Variants in APOOL observed in about 807,000 individuals in gnomAD.
The protein encoded by APOOL is MICOS complex subunit MIC27.
A neutral mutation model predicts 23.1 loss-of-function variants in APOOL; 12 were observed. That is an observed-to-expected ratio of 0.52 (90% CI 0.33 to 0.84). The LOEUF (loss-of-function observed/expected upper bound fraction) is 0.84, where lower values mean the gene tolerates loss of function less well. Ranked by LOEUF, APOOL falls within the 40% of genes least tolerant of loss-of-function variation. The pLI is 0.02. For missense variants in APOOL, 212 were observed against 199.6 expected (o/e 1.06, Z -0.37); for synonymous variants, 77 against 69.9 (o/e 1.10, Z -0.51).
rs1251772516 is a variant in APOOL, at chrX:85,088,039, T to G, written c.*361T>G. 1 of 87,416 alleles carries G rather than the reference T, an allele frequency of 1.1e-5. No homozygotes were observed. Among genetic ancestry groups the G allele is most frequent in the Middle Eastern group, 5.0e-3 (1 of 200 alleles). 7.2% of individuals were successfully genotyped at this position (87,416 alleles called of 1,213,427 possible). ...AAATACATACATATTTATACATGTATAAATACGTATTTATACATATATGTA... is the reference window on the plus strand; with the variant it reads ...AAATACATACATATTTATACATGTAGAAATACGTATTTATACATATATGTA... On this transcript the variant is annotated 3_prime_UTR_variant, in exon 9 of 9. Coordinates refer to ENST00000373173, the MANE Select transcript of APOOL (RefSeq NM_198450.6).
rs758098459 is a variant in APOOL at position 85,006,053 on chromosome X, C to T, written c.15+2126C>T. Among the ~76,000 whole-genome samples the T allele has an allele frequency of 7.5e-4, 84 of 112,126 alleles. 1 individual carries two copies. Among genetic ancestry groups the T allele is most frequent in the African/African-American group, 2.6e-3 (80 of 30,850 alleles). On this transcript the variant is annotated intron_variant, in intron 1 of 8. Coordinates refer to ENST00000373173, the MANE Select transcript of APOOL (RefSeq NM_198450.6). ...TTACATGTGTTAATTCACTAATTCTCAAGACAACTTTATGTGGTGGGTATT... is the reference window on the plus strand; with the variant it reads ...TTACATGTGTTAATTCACTAATTCTTAAGACAACTTTATGTGGTGGGTATT...
chrX:85,066,307 G>T (rs1421284550), intron 5 of APOOL, among the ~76,000 whole-genome samples: 1 of 111,617 alleles, frequency 9.0e-6, no homozygotes, highest in East Asian at 2.8e-4. Context: ...ATGGCTTAAA[G>T]TGGTGGATTT....
intron 2 of APOOL, among the ~76,000 whole-genome samples, chrX:85,049,596 C>T (rs770526070): frequency 9.9e-5 from 11 of 110,827 alleles, no homozygotes; most frequent in Non-Finnish European, 1.3e-4. Flanking sequence ...CCAGTCTGGG[C>T]AACAGGGTGA....
chrX:85,084,569 A>G (rs1030531953), intron 8 of APOOL, among the ~76,000 whole-genome samples: 2 of 110,285 alleles, frequency 1.8e-5, no homozygotes, highest in Non-Finnish European at 3.8e-5. Context: ...ACCAAGAATT[A>G]TAAATCTGAA....
chrX:85,081,063 C>T (rs1021825182), intron 8 of APOOL, among the ~76,000 whole-genome samples: 3 of 111,568 alleles, frequency 2.7e-5, no homozygotes, highest in Admixed American at 1.9e-4. Context: ...CAGTCTGTGT[C>T]TTTTAATTGG....
At chrX:85,011,128 GA>G (rs752816260) in intron 1 of APOOL, among the ~76,000 whole-genome samples, 1 of 111,546 alleles carries the variant, frequency 9.0e-6, no homozygotes, top group East Asian at 2.8e-4. Flanking sequence ...ATGTTTGTTG[GA>G]CATTTGCATA....
intron 1 of APOOL, among the ~76,000 whole-genome samples, chrX:85,023,162 ATC>A (rs1170970390): frequency 8.9e-6 from 1 of 111,785 alleles, no homozygotes; most frequent in Non-Finnish European, 1.9e-5. Flanking sequence ...AAACAACATG[ATC>A]TTTATATACA....
chrX:85,075,903 A>G (rs766142642), intron 8 of APOOL, among the ~76,000 whole-genome samples: 6 of 111,781 alleles, frequency 5.4e-5, no homozygotes, highest in African/African-American at 1.9e-4. Context: ...AAAAAATACC[A>G]TAGACTGGGT....
chrX:85,008,372 G>T (rs1224892621), intron 1 of APOOL, among the ~76,000 whole-genome samples: 1 of 111,393 alleles, frequency 9.0e-6, no homozygotes, highest in African/African-American at 3.3e-5. Flanking sequence ...CTATTCTCTA[G>T]TTCAGTGAGT....
At chrX:85,033,303 C>T (rs1302367657) in intron 1 of APOOL, among the ~76,000 whole-genome samples, 3 of 111,896 alleles carry the variant, frequency 2.7e-5, no homozygotes, top group Non-Finnish European at 3.8e-5. Context: ...TATATTAGAC[C>T]ACAGGTGTTA....
chrX:85,079,067 T>C (rs1008449544), intron 8 of APOOL, among the ~76,000 whole-genome samples: 3 of 111,449 alleles, frequency 2.7e-5, no homozygotes, highest in African/African-American at 9.8e-5. Flanking sequence ...CTTTTCCTAA[T>C]TGAATACCCT....
intron 1 of APOOL, among the ~76,000 whole-genome samples, chrX:85,018,871 G>A (rs1272826481): frequency 2.7e-5 from 3 of 111,166 alleles, no homozygotes; most frequent in Non-Finnish European, 5.7e-5. Context: ...AGATAACATA[G>A]ATCTCTGTTT....
intron 1 of APOOL, among the ~76,000 whole-genome samples, chrX:85,009,568 CCTT>C (rs1427231195): frequency 9.0e-6 from 1 of 111,385 alleles, no homozygotes; most frequent in Non-Finnish European, 1.9e-5. Flanking sequence ...GTTGAACCAT[CCTT>C]GCATCTCTGG....
chrX:85,023,573 A>T (rs1471677235), intron 1 of APOOL, among the ~76,000 whole-genome samples: 1 of 112,079 alleles, frequency 8.9e-6, no homozygotes, highest in Admixed American at 9.5e-5. Context: ...TCCATATGCA[A>T]CCAGAAGAGA....
chrX:85,070,966 T>C (rs1923644840), intron 6 of APOOL, among the ~76,000 whole-genome samples: 1 of 111,823 alleles, frequency 8.9e-6, no homozygotes, highest in Non-Finnish European at 1.9e-5. Context: ...ACATATATAC[T>C]ACAACAGACT....
chrX:85,058,145 A>G (rs747971469), intron 5 of APOOL, among the ~76,000 whole-genome samples: 3 of 110,926 alleles, frequency 2.7e-5, no homozygotes, highest in Non-Finnish European at 5.7e-5. Flanking sequence ...GTGTGCCATG[A>G]TGGTTTTGTG....
chrX:85,042,130 GA>G (rs1051221649), intron 1 of APOOL, among the ~76,000 whole-genome samples: 5 of 111,853 alleles, frequency 4.5e-5, no homozygotes, highest in African/African-American at 1.3e-4. Context: ...AAATGAAATT[GA>G]AATGAAGAAA....
chrX:85,039,040 A>G (rs1402340514), intron 1 of APOOL, among the ~76,000 whole-genome samples: 1 of 110,647 alleles, frequency 9.0e-6, no homozygotes, highest in Non-Finnish European at 1.9e-5. Context: ...GTGGATTTTC[A>G]GTGCTATAAA....
intron 1 of APOOL, among the ~76,000 whole-genome samples, chrX:85,008,750 CTT>C (rs1921169047): frequency 9.0e-6 from 1 of 111,417 alleles, no homozygotes; most frequent in African/African-American, 3.3e-5. Context: ...TATTCAGAGT[CTT>C]TTGTGATTCC....
Sources: gnomAD v4.1 joint callset for allele counts (sites outside exome capture counted in the v4.1 genomes callset) on GRCh38, gnomAD v4.1.1 for gene constraint, MANE v1.5 for transcripts, NCBI Gene and HGNC (gene_info 2026-07-23, HGNC 2026-07-21) for gene names.